BABAM1: variants seen among roughly 807,000 people sequenced by gnomAD.
The protein encoded by BABAM1 is BRISC and BRCA1-A complex member 1.
Under a neutral mutation model 34.4 loss-of-function variants are expected in BABAM1, and 14 were observed. That is an observed-to-expected ratio of 0.41 (90% CI 0.27 to 0.64). The LOEUF is 0.64. Ranked by LOEUF, BABAM1 falls within the 30% of genes least tolerant of loss-of-function variation. The pLI, the probability that BABAM1 is intolerant of heterozygous loss-of-function variation, is 0.34. For missense variants in BABAM1, 393 were observed against 434.0 expected, an observed-to-expected ratio of 0.91 and a Z score of 0.84; for synonymous variants, 169 against 165.8, an observed-to-expected ratio of 1.02 and a Z score of -0.15.
intron 3 of BABAM1, 39 bp from the exon 4 acceptor site, chr19:17,273,865 G>A: frequency 1.9e-6 from 3 of 1,563,702 alleles, no homozygotes; most frequent in Non-Finnish European, 2.6e-6. Context: ...GCCCGGCCCT[G>A]AGGGAACCTT....
intron 3 of BABAM1, among the ~76,000 whole-genome samples, chr19:17,273,555 G>GTTTT (rs1555716572): frequency 5.3e-4 from 7 of 13,226 alleles, no homozygotes; most frequent in South Asian, 2.0e-3. Context: ...GTTTTTTTTT[G>GTTTT]TTTGTTTTGT....
intron 2 of BABAM1, 119 bp downstream of exon 2, chr19:17,269,210 C>G (rs370774211): frequency 1.6e-6 from 2 of 1,248,988 alleles, no homozygotes; most frequent in Non-Finnish European, 2.2e-6. Flanking sequence ...CACAAGTCAC[C>G]GTGGACTTGG....
At chr19:17,275,086 G>A (rs932289034) in intron 5 of BABAM1, among the ~76,000 whole-genome samples, 1 of 151,834 alleles carries the variant, frequency 6.6e-6, no homozygotes, top group Admixed American at 6.6e-5. Flanking sequence ...TGAATGTTTT[G>A]TAGAGATGGG....
intron 3 of BABAM1, 75 bp downstream of exon 3, chr19:17,271,730 ACT>A (rs2073843600): frequency 4.0e-6 from 6 of 1,493,670 alleles, no homozygotes; most frequent in Admixed American, 1.8e-5. Flanking sequence ...CGGGGCTCTC[ACT>A]CTGAAACTCA....
Position 17,268,989 on chromosome 19 carries a change from G to T in BABAM1, c.183G>T (p.Gly61=), listed in dbSNP as rs964024170. 7.6e-5 allele frequency: 120 copies of T among 1,582,050 alleles called. No homozygotes were observed. The highest frequency in any genetic ancestry group is 9.8e-5 in the Non-Finnish European group (114 of 1,165,182). Residue 61 remains glycine, a synonymous_variant, in exon 2 of 9, where the codon GGG becomes GGT. Transcript: ENST00000598188. ...GTGAGGCCGCCAGTGCTGATGATGG[G>T]AGCCTCAACACTTCAGGAGCCGGCC... The part of the protein sequence containing the change: ...GEGEAASADD[G]SLNTSGAGPK...
intron 5 of BABAM1, 92 bp from the exon 6 acceptor site, chr19:17,275,709 G>A (rs2073900087): frequency 6.5e-7 from 1 of 1,541,208 alleles, no homozygotes; most frequent in Non-Finnish European, 9.0e-7. Context: ...GTCCCTAGGG[G>A]TGCCGGGTCT....
chr19:17,275,755 C>T (rs375940476), intron 5 of BABAM1, 46 bp from the exon 6 acceptor site: 2 of 1,613,074 alleles, frequency 1.2e-6, no homozygotes, highest in African/African-American at 1.3e-5. Context: ...CACCTGTTTC[C>T]CGCTCACTCG....
chr19:17,273,566 T>TTTGTTTTG (rs1486158590), intron 3 of BABAM1, among the ~76,000 whole-genome samples: 45 of 106,736 alleles, frequency 4.2e-4, no homozygotes, highest in African/African-American at 1.8e-3. Context: ...TTTGTTTTGT[T>TTTGTTTTG]TTTTTTTTTT....
At chr19:17,273,089 G>A (rs557836164) in intron 3 of BABAM1, among the ~76,000 whole-genome samples, 1 of 152,312 alleles carries the variant, frequency 6.6e-6, no homozygotes, top group South Asian at 2.1e-4. Context: ...GGCCCATTGA[G>A]GCTCCATTCA....
At chr19:17,271,216 C>G (rs1020685301) in intron 2 of BABAM1, among the ~76,000 whole-genome samples, 2 of 152,072 alleles carry the variant, frequency 1.3e-5, no homozygotes, top group Non-Finnish European at 2.9e-5. Flanking sequence ...TCTCAAACTC[C>G]TGACCTGAAG....
chr19:17,271,416 T>C, intron 2 of BABAM1, among the ~76,000 whole-genome samples, 181 bp from the exon 3 acceptor site: 1 of 152,206 alleles, frequency 6.6e-6, no homozygotes, highest in East Asian at 1.9e-4. Flanking sequence ...CTTATCTACT[T>C]GGACTCCCAG....
intron 6 of BABAM1, 44 bp from the exon 7 acceptor site, chr19:17,276,451 C>T (rs1230257119): frequency 4.5e-6 from 7 of 1,565,364 alleles, no homozygotes; most frequent in African/African-American, 2.7e-5. Flanking sequence ...GAGGGGCAGA[C>T]CCCCACAGGC....
In BABAM1 at chr19:17,278,943, G is replaced by A; in HGVS notation, c.885G>A (p.Met295Ile). 6.2e-7 allele frequency: 1 copy of A among 1,613,326 alleles called. No individual in the cohort carries two copies. Among genetic ancestry groups the A allele is most frequent in the South Asian group, 1.1e-5 (1 of 90,946 alleles). Residue 295 changes from methionine to isoleucine, a missense_variant, in exon 9 of 9, where the codon ATG becomes ATA. Physicochemically the swap from Met to Ile is conservative, Grantham distance 10 (BLOSUM62 1). Coordinates refer to ENST00000598188, the MANE Select transcript of BABAM1 (RefSeq NM_014173.4). ...CAGCCCTGGAGTTGCACAACTGCAT[G>A]GCGAAACTGTTGGCCCACCCCCTGC... Reference protein sequence around the residue: ...AGPALELHNCMAKLLAHPLQR... With the variant: ...AGPALELHNCIAKLLAHPLQR...
intron 1 of BABAM1, among the ~76,000 whole-genome samples, chr19:17,267,892 C>T (rs2073787424): frequency 1.3e-5 from 2 of 152,104 alleles, no homozygotes; most frequent in African/African-American, 4.8e-5. Context: ...AAGACATTTT[C>T]AGTTTTAGGT....
Position 17,274,146 on chromosome 19 carries a change from TG to T in BABAM1, c.506del (p.Cys169SerfsTer60). ...LTSDPRELCSCLYDLETASCS... is the reference protein window; with the variant it reads ...LTSDPRELCSXLYDLETASCS... The stretch of plus-strand genomic sequence containing the variant: ...CTCCGACCCCCGCGAGCTCTGTAGC[TG>T]CCTCTATGATCTGGAGACGGCCTCC... On this transcript the variant is annotated frameshift_variant, in exon 5 of 9. Coordinates refer to ENST00000598188, the MANE Select transcript of BABAM1 (RefSeq NM_014173.4). LOFTEE classifies it high-confidence loss of function. 1 of 1,613,698 alleles carries T rather than the reference TG, an allele frequency of 6.2e-7. No individual in the cohort carries two copies. Among genetic ancestry groups the T allele is most frequent in the Non-Finnish European group, 8.5e-7 (1 of 1,179,874 alleles).
intron 1 of BABAM1, among the ~76,000 whole-genome samples, chr19:17,268,263 A>G (rs1462499055): frequency 6.6e-6 from 1 of 151,496 alleles, no homozygotes; most frequent in Non-Finnish European, 1.5e-5. Context: ...GTTAAAAAAA[A>G]AAAGAGGAAA....
chr19:17,276,580 C>A lies in BABAM1; in HGVS notation c.655C>A (p.Arg219Ser). 6.2e-7 allele frequency: 1 copy of A among 1,606,610 alleles called. No homozygotes were observed. The highest frequency in any genetic ancestry group is 1.7e-5 in the Admixed American group (1 of 58,992). The change falls in exon 7 of 9, where the codon CGT becomes AGT. Residue 219 changes from arginine (R) to serine (S), a missense_variant. By Grantham distance (110) the Arg-to-Ser change is moderately radical. Transcript: ENST00000598188. ...YVVRTILVYS[R>S]PPCQPQFSLT... ...GGTCCGCACCATCCTTGTCTACAGC[C>A]GTCCACCTTGCCAGCCCCAGTTCTC...
At position 17,277,253 on chromosome 19, in the gene BABAM1, G is replaced by A. The variant is rs2073921671; in HGVS notation, c.786+344G>A. 1.4e-5 allele frequency: 3 copies of A among 209,552 alleles called. No individual in the cohort carries two copies. In the South Asian group the frequency reaches 2.4e-4, roughly 17 times the overall value. The allele number at this position is 209,552 out of a possible 1,614,324, so 13.0% of individuals were successfully genotyped here. ...GTCTCCCTCTGTCTCCCAGGCTGGA[G>A]TGTAGTGGCATGATCTCGGCTCACT... On this transcript the variant is annotated intron_variant, in intron 8 of 8. Transcript: ENST00000598188.
chr19:17,278,531 G>C (rs960892680), intron 8 of BABAM1, among the ~76,000 whole-genome samples: 1 of 151,778 alleles, frequency 6.6e-6, no homozygotes, highest in East Asian at 1.9e-4. Context: ...GGATGGTCTT[G>C]ATCTCCTGAC....
Sources: allele counts gnomAD v4.1 joint callset (sites outside exome capture counted in the v4.1 genomes callset), GRCh38; gene constraint gnomAD v4.1.1; transcripts MANE v1.5; gene names NCBI Gene and HGNC (gene_info 2026-07-23, HGNC 2026-07-21).